DNAH14: variants seen among roughly 807,000 people sequenced by gnomAD.
DNAH14 encodes axonemal beta dynein heavy chain 14.
Under a neutral mutation model 520.9 loss-of-function variants are expected in DNAH14, and 478 were observed. The ratio of observed to expected loss-of-function variants is 0.92; its 90% confidence interval spans 0.85 to 0.99. The LOEUF (loss-of-function observed/expected upper bound fraction) is 0.99, where lower values mean the gene tolerates loss of function less well. Ranked by LOEUF, DNAH14 falls within the 50% of genes least tolerant of loss-of-function variation. DNAH14 has a pLI of 0.00. For synonymous variants in DNAH14, 1,581 were observed against 1,757.2 expected (o/e 0.90, Z 2.51); for missense variants, 4,831 against 5,234.5 (o/e 0.92, Z 2.38).
At chr1:225,140,339 G>A (rs1221899340) in intron 27 of DNAH14, among the ~76,000 whole-genome samples, 1 of 152,150 alleles carries the variant, frequency 6.6e-6, no homozygotes, top group Admixed American at 6.5e-5. Context: ...TGACAAGAGT[G>A]GGTGTCAAAA....
At chr1:225,039,823 A>C (rs1161179022) in intron 12 of DNAH14, among the ~76,000 whole-genome samples, 1 of 108,148 alleles carries the variant, frequency 9.2e-6, no homozygotes, top group African/African-American at 3.4e-5. Context: ...GCTTGCAGTG[A>C]GCCGAGATCC....
intron 41 of DNAH14, among the ~76,000 whole-genome samples, chr1:225,224,496 T>C (rs1377242948): frequency 6.6e-6 from 1 of 150,394 alleles, no homozygotes; most frequent in Non-Finnish European, 1.5e-5. Context: ...AGTCAGTTGC[T>C]AGGTTATGAC....
At chr1:225,364,641 C>G in intron 75 of DNAH14, 151 bp from the exon 76 acceptor site, 1 of 506,182 alleles carries the variant, frequency 2.0e-6, no homozygotes, top group Non-Finnish European at 3.4e-6. Context: ...CAAATTCTTG[C>G]GCAACATGGA....
At chr1:225,227,852 T>C (rs1453710363) in intron 41 of DNAH14, among the ~76,000 whole-genome samples, 2 of 152,152 alleles carry the variant, frequency 1.3e-5, no homozygotes, top group Non-Finnish European at 2.9e-5. Context: ...CAGTGCCTGA[T>C]TTGCACTACC....
At chr1:225,061,330 C>T (rs1481738599) in intron 17 of DNAH14, among the ~76,000 whole-genome samples, 1 of 152,250 alleles carries the variant, frequency 6.6e-6, no homozygotes, top group African/African-American at 2.4e-5. Context: ...TGGATACAAT[C>T]TCCTGGTGTG....
At chr1:225,094,675 A>C (rs142359803) in intron 21 of DNAH14, among the ~76,000 whole-genome samples, 2 of 97,794 alleles carry the variant, frequency 2.0e-5, no homozygotes, top group Non-Finnish European at 3.3e-5. Context: ...AAAAAAAAAA[A>C]AAACAACAAA....
chr1:225,285,864 T>C (rs940367350), intron 54 of DNAH14, among the ~76,000 whole-genome samples: 1 of 152,148 alleles, frequency 6.6e-6, no homozygotes, highest in Non-Finnish European at 1.5e-5. Context: ...CTCAAAAAAA[T>C]AGAAATAAAT....
intron 46 of DNAH14, among the ~76,000 whole-genome samples, chr1:225,260,818 A>G (rs755930272): frequency 6.6e-6 from 1 of 152,190 alleles, no homozygotes; most frequent in Admixed American, 6.5e-5. Context: ...AATTTATTTC[A>G]TCAATGTTTT....
chr1:225,339,165 G>A (rs2095126857), intron 68 of DNAH14, among the ~76,000 whole-genome samples: 1 of 148,786 alleles, frequency 6.7e-6, no homozygotes, highest in Non-Finnish European at 1.5e-5. Context: ...AAAAAAATTA[G>A]CCAGGTGTGG....
In DNAH14 at chr1:225,032,420, T is replaced by C. The variant is rs1378519904; in HGVS notation, c.1359-6274T>C. Among the ~76,000 whole-genome samples, 6 of 152,184 alleles carry C rather than the reference T, an allele frequency of 3.9e-5. No individual in the cohort carries two copies. In the South Asian group the frequency reaches 1.0e-3, roughly 26 times the overall value. ...TGTAAAACACGTGATCTCATTCTTT[T>C]ATATGGCTGCATCGTATTCCATGGT... On this transcript the variant is annotated intron_variant, in intron 11 of 85. Coordinates refer to ENST00000682510, the MANE Select transcript of DNAH14 (RefSeq NM_001367479.1).
chr1:225,395,517 A>G lies in DNAH14; in HGVS notation c.13492-3003A>G, dbSNP rs201717555. ...TGAGGCAGGAGAATGGCGTGAACCC[A>G]GGAGGCGGAGCTTGCAGTGAGCAGA... On this transcript the variant is annotated intron_variant, in intron 84 of 85. Transcript: ENST00000682510. Among the ~76,000 whole-genome samples, 346 of 150,660 alleles carry G rather than the reference A, an allele frequency of 2.3e-3. 7 individuals carry two copies. The highest frequency in any genetic ancestry group is 0.02 in the South Asian group (96 of 4,752).
intron 3 of DNAH14, among the ~76,000 whole-genome samples, chr1:224,958,456 C>A (rs2060644139): frequency 6.6e-6 from 1 of 151,866 alleles, no homozygotes; most frequent in Non-Finnish European, 1.5e-5. Context: ...CAGGTGAGGC[C>A]AACAGAAAGT....
chr1:225,261,693 T>A (rs1319019023), intron 46 of DNAH14, among the ~76,000 whole-genome samples: 1 of 152,120 alleles, frequency 6.6e-6, no homozygotes, highest in South Asian at 2.1e-4. Flanking sequence ...TTCAATGTTT[T>A]GGAAGAGTTG....
At chr1:225,228,470 C>CTTACA (rs71574524) in intron 41 of DNAH14, among the ~76,000 whole-genome samples, 22,884 of 151,936 alleles carry the variant, frequency 0.15, 1,979 homozygotes, top group East Asian at 0.35. Context: ...TCTGGGGAAA[C>CTTACA]TGATAATTTA....
chr1:225,219,383 G>A (rs1170186319), intron 41 of DNAH14, among the ~76,000 whole-genome samples: 2 of 146,626 alleles, frequency 1.4e-5, no homozygotes, highest in Non-Finnish European at 3.0e-5. Flanking sequence ...CCAGGAGCTG[G>A]TTTAAAAAAA....
chr1:225,350,874 C>T (rs1258681578), intron 71 of DNAH14, among the ~76,000 whole-genome samples: 8 of 152,114 alleles, frequency 5.3e-5, no homozygotes, highest in Non-Finnish European at 1.2e-4. Context: ...AGAAACACTT[C>T]CTAACTCATT....
At chr1:225,038,445 C>G (rs2067168670) in intron 11 of DNAH14, among the ~76,000 whole-genome samples, 1 of 151,722 alleles carries the variant, frequency 6.6e-6, no homozygotes, top group South Asian at 2.1e-4. Flanking sequence ...TAATAGCCAT[C>G]CTAATGGGTA....
chr1:225,055,611 G>C (rs1360447291), intron 17 of DNAH14, among the ~76,000 whole-genome samples: 1 of 151,950 alleles, frequency 6.6e-6, no homozygotes, highest in Admixed American at 6.6e-5. Flanking sequence ...ATGTATACAT[G>C]TGCCATGTTG....
chr1:225,008,117 C>G (rs1256606066), intron 10 of DNAH14, among the ~76,000 whole-genome samples: 2 of 151,834 alleles, frequency 1.3e-5, no homozygotes, highest in African/African-American at 4.8e-5. Flanking sequence ...ATGTTCCCCT[C>G]CCTGTGCCCA....
Sources: allele counts gnomAD v4.1 joint callset (sites outside exome capture counted in the v4.1 genomes callset), GRCh38; gene constraint gnomAD v4.1.1; transcripts MANE v1.5; gene names NCBI Gene and HGNC (gene_info 2026-07-23, HGNC 2026-07-21).